POLR2B: variants seen among roughly 807,000 people sequenced by gnomAD.
POLR2B encodes the protein RNA polymerase II subunit B, also known as DNA-directed RNA polymerase II subunit RPB2.
In POLR2B, 57 loss-of-function variants were observed where a neutral mutation model predicts 144.6. The observed-to-expected ratio is 0.39, with a 90% confidence interval of 0.32 to 0.49. POLR2B has a LOEUF of 0.49. Among genes scored for constraint, POLR2B ranks in the 20% least tolerant of loss-of-function variants. The pLI is 0.83. For synonymous variants in POLR2B, 442 were observed against 469.8 expected (o/e 0.94, Z 0.77); for missense variants, 595 against 1,467.4 (o/e 0.41, Z 9.71).
intron 6 of POLR2B, among the ~76,000 whole-genome samples, chr4:56,997,186 A>G (rs1722716593): frequency 2.0e-5 from 3 of 152,112 alleles, no homozygotes; most frequent in Admixed American, 2.0e-4. Context: ...GCCAAATGAC[A>G]CCTATTACAT....
At chr4:57,008,437 C>T (rs1057410702) in intron 10 of POLR2B, among the ~76,000 whole-genome samples, 1 of 152,178 alleles carries the variant, frequency 6.6e-6, no homozygotes, top group Non-Finnish European at 1.5e-5. Flanking sequence ...CTCCTGACAT[C>T]GTGATCTGCC....
intron 3 of POLR2B, among the ~76,000 whole-genome samples, chr4:56,993,385 ATGACC>A (rs1051510837): frequency 2.0e-5 from 3 of 152,222 alleles, no homozygotes; most frequent in African/African-American, 7.2e-5. Context: ...TAAGATAATA[ATGACC>A]TAGACTAGAT....
intron 2 of POLR2B, among the ~76,000 whole-genome samples, chr4:56,988,511 T>A (rs77826312): frequency 6.6e-6 from 1 of 151,806 alleles, no homozygotes; most frequent in Non-Finnish European, 1.5e-5. Context: ...CTTTTTTTTT[T>A]AAAGAAAGAA....
intron 7 of POLR2B, among the ~76,000 whole-genome samples, chr4:57,001,490 A>G (rs1722853977): frequency 6.6e-6 from 1 of 152,212 alleles, no homozygotes; most frequent in Admixed American, 6.5e-5. Flanking sequence ...TTTCATAACA[A>G]AGTATATAGA....
chr4:56,992,388 G>A (rs1310364410), intron 3 of POLR2B, among the ~76,000 whole-genome samples: 1 of 144,184 alleles, frequency 6.9e-6, no homozygotes, highest in Non-Finnish European at 1.5e-5. Flanking sequence ...TTGCTTGAAC[G>A]TGGGAGACGG....
chr4:57,016,990 ATAGT>A, intron 14 of POLR2B, 49 bp from the exon 15 acceptor site: 3 of 930,986 alleles, frequency 3.2e-6, no homozygotes, highest in Middle Eastern at 2.6e-4. Flanking sequence ...AGTAGGAGGA[ATAGT>A]TAGTTAAAAT....
intron 7 of POLR2B, among the ~76,000 whole-genome samples, chr4:57,001,250 C>A (rs1417007006): frequency 6.6e-6 from 1 of 152,048 alleles, no homozygotes; most frequent in African/African-American, 2.4e-5. Context: ...GCTCTGCCTC[C>A]TGGGTTCAAG....
At chr4:57,015,106 C>A (rs1194661486) in intron 13 of POLR2B, among the ~76,000 whole-genome samples, 1 of 152,058 alleles carries the variant, frequency 6.6e-6, no homozygotes, top group Non-Finnish European at 1.5e-5. Flanking sequence ...AGGCTAATGA[C>A]TGGGAAAGTA....
intron 3 of POLR2B, among the ~76,000 whole-genome samples, chr4:56,992,464 CAAA>C (rs1209234628): frequency 5.8e-4 from 10 of 17,136 alleles, no homozygotes; most frequent in East Asian, 3.3e-3. Flanking sequence ...GACTCTGTCT[CAAA>C]AAAAAAAAAA....
chr4:57,013,493 C>G (rs1024245752), intron 13 of POLR2B, among the ~76,000 whole-genome samples: 2 of 152,098 alleles, frequency 1.3e-5, no homozygotes, highest in Non-Finnish European at 2.9e-5. Flanking sequence ...TCCTTCCTGC[C>G]TTGGCTTCCC....
intron 2 of POLR2B, among the ~76,000 whole-genome samples, chr4:56,988,339 G>T (rs1435803548): frequency 6.6e-6 from 1 of 151,988 alleles, no homozygotes; most frequent in East Asian, 1.9e-4. Flanking sequence ...TGGGGAAAGG[G>T]CCCCTGGCCA....
chr4:57,027,770 A>G (rs1474150441), intron 23 of POLR2B, among the ~76,000 whole-genome samples: 1 of 152,186 alleles, frequency 6.6e-6, no homozygotes, highest in African/African-American at 2.4e-5. Flanking sequence ...ACACATGCAT[A>G]TTTTGTAGCA....
intron 14 of POLR2B, among the ~76,000 whole-genome samples, chr4:57,016,051 G>A (rs1373861353): frequency 2.0e-5 from 3 of 152,162 alleles, no homozygotes; most frequent in Non-Finnish European, 2.9e-5. Flanking sequence ...GAGCCACTGC[G>A]TCCGGCAAGT....
chr4:57,007,078 A>G lies in POLR2B; in HGVS notation c.1404+76A>G, dbSNP rs1007474941. On this transcript the variant is annotated intron_variant, in intron 10 of 24. Transcript: ENST00000314595. ...ACTAGTAGATTCTTTTGTTTGTTGA[A>G]TATAAATTATTTTGCTTTTCTTTCT... The G allele has an allele frequency of 5.5e-6, 6 of 1,086,420 alleles. No individual in the cohort carries two copies. The African/African-American group carries it at 7.9e-5, about 14-fold the overall frequency. 67.3% of individuals were successfully genotyped at this position (1,086,420 alleles called of 1,614,324 possible).
intron 2 of POLR2B, among the ~76,000 whole-genome samples, chr4:56,987,712 C>G (rs1039974495): frequency 5.3e-5 from 8 of 152,186 alleles, no homozygotes; most frequent in Admixed American, 5.2e-4. Context: ...GAAGCTCCGT[C>G]TTTACTAAAA....
At chr4:57,001,045 A>G (rs1032145437) in intron 7 of POLR2B, among the ~76,000 whole-genome samples, 1 of 152,214 alleles carries the variant, frequency 6.6e-6, no homozygotes, top group Non-Finnish European at 1.5e-5. Flanking sequence ...ACTATTAAGT[A>G]ATAAGATCTG....
chr4:56,995,171 T>A, intron 5 of POLR2B, 80 bp from the exon 6 acceptor site: 1 of 1,038,856 alleles, frequency 9.6e-7, no homozygotes, highest in South Asian at 1.6e-5. Context: ...TCAGATTAAA[T>A]TAAGATGCAG....
intron 17 of POLR2B, among the ~76,000 whole-genome samples, chr4:57,021,406 A>T (rs549376806): frequency 5.3e-5 from 8 of 150,006 alleles, no homozygotes; most frequent in African/African-American, 1.2e-4. Flanking sequence ...AGTAGAGGGG[A>T]TGGATTTTCC....
Position 57,017,852 on chromosome 4 carries a change from G to A in POLR2B, c.2323+124G>A. Reference sequence around the variant, plus strand: ...CTGTTCTCACGGAATTTATAATATGGTGGGAAACATGAACATAATAAAAAG... The same window carrying A: ...CTGTTCTCACGGAATTTATAATATGATGGGAAACATGAACATAATAAAAAG... On this transcript the variant is annotated intron_variant, in intron 16 of 24. Coordinates refer to ENST00000314595, the MANE Select transcript of POLR2B (RefSeq NM_000938.3). This position sits in a 1 kb window ranked among gnomAD's most constrained non-coding sequence, Gnocchi z 4.8. 1.6e-6 allele frequency: 1 copy of A among 621,338 alleles called. No individual in the cohort carries two copies. The highest frequency in any genetic ancestry group is 2.7e-6 in the Non-Finnish European group (1 of 373,760). The allele number at this position is 621,338 out of a possible 1,614,324, so 38.5% of individuals were successfully genotyped here. A position where few individuals can be genotyped will look rare whatever the true frequency, so the allele number is the denominator to read the frequency against.
Sources: gnomAD v4.1 joint callset for allele counts (sites outside exome capture counted in the v4.1 genomes callset) on GRCh38, gnomAD v4.1.1 for gene constraint, Gnocchi (gnomAD v3.1) non-coding constraint, MANE v1.5 for transcripts, NCBI Gene and HGNC (gene_info 2026-07-23, HGNC 2026-07-21) for gene names.